Variants in LAMC2 observed in about 807,000 individuals in gnomAD.
The protein encoded by LAMC2 is laminin subunit gamma-2.
Under a neutral mutation model 140.2 loss-of-function variants are expected in LAMC2, and 97 were observed. The ratio of observed to expected loss-of-function variants is 0.69; its 90% CI spans 0.59 to 0.82. LAMC2 has a LOEUF of 0.82. LAMC2 is among the 40% of genes least tolerant of loss of function. The pLI, the probability that LAMC2 is intolerant of heterozygous loss-of-function variation, is 0.00. For synonymous variants in LAMC2, 513 were observed against 540.2 expected, an observed-to-expected ratio of 0.95 and a Z score of 0.70; for missense variants, 1,402 against 1,476.1, an observed-to-expected ratio of 0.95 and a Z score of 0.82.
chr1:183,254,225 T>C, the LAMC2 span, among the ~76,000 whole-genome samples: 5 of 152,322 alleles, frequency 3.3e-5, no homozygotes, highest in South Asian at 1.0e-3. Context: ...GGGTTCCCTT[T>C]CTCCACACCC....
rs113831260 is a variant in LAMC2, at chr1:183,230,334, C to T, written c.1715-627C>T. Among the ~76,000 whole-genome samples, 1,383 of 152,276 alleles carry T rather than the reference C, an allele frequency of 9.1e-3. 18 individuals carry two copies. The highest frequency in any genetic ancestry group is 0.027 in the African/African-American group (1,126 of 41,546). On this transcript the variant is annotated intron_variant, in intron 11 of 22. Transcript: ENST00000264144. ...ATAACACACTTAGATACGTAATCAG[C>T]GTTTTGTGAGCACTGAAGATAGAAC...
At chr1:183,240,617 G>T (rs944811244) in intron 22 of LAMC2, 3 of 1,421,660 alleles carry the variant, frequency 2.1e-6, no homozygotes, top group Non-Finnish European at 2.7e-6. Flanking sequence ...ATTGCACTTG[G>T]GGGTAAAGGT....
At chr1:183,198,389 C>T (rs1375708763) in intron 1 of LAMC2, among the ~76,000 whole-genome samples, 1 of 152,060 alleles carries the variant, frequency 6.6e-6, no homozygotes, top group Non-Finnish European at 1.5e-5. Flanking sequence ...ATGATCTGCC[C>T]GCCTTGGCCT....
At chr1:183,234,193 T>TA (rs1659881856) in intron 14 of LAMC2, among the ~76,000 whole-genome samples, 174 bp from the exon 15 acceptor site, 1 of 152,212 alleles carries the variant, frequency 6.6e-6, no homozygotes, top group Admixed American at 6.5e-5. Flanking sequence ...GGCCTATACA[T>TA]ACTTTTTAAA....
intron 7 of LAMC2, among the ~76,000 whole-genome samples, chr1:183,224,506 A>G (rs1461090526): frequency 6.6e-6 from 1 of 152,174 alleles, no homozygotes; most frequent in Non-Finnish European, 1.5e-5. Context: ...TATAGATGAT[A>G]GTTTGGGTCG....
chr1:183,242,071 T>C (rs1660147720), intron 22 of LAMC2, among the ~76,000 whole-genome samples: 1 of 152,222 alleles, frequency 6.6e-6, no homozygotes, highest in African/African-American at 2.4e-5. Flanking sequence ...AGGTTAATAA[T>C]GCCCCACAGG....
chr1:183,248,949 A>G (rs201892820), downstream of LAMC2: 1 of 149,596 alleles, frequency 6.7e-6, no homozygotes, highest in African/African-American at 2.5e-5. Context: ...TGAGGAGAGT[A>G]GAATTGGGCT....
chr1:183,226,065 T>G (rs1659615714), intron 8 of LAMC2, among the ~76,000 whole-genome samples: 1 of 152,032 alleles, frequency 6.6e-6, no homozygotes, highest in Non-Finnish European at 1.5e-5. Context: ...TCTTATTTAT[T>G]CCTTGAGCAG....
intron 1 of LAMC2, among the ~76,000 whole-genome samples, chr1:183,197,667 C>A (rs1658563567): frequency 1.5e-5 from 2 of 137,756 alleles, no homozygotes; most frequent in Admixed American, 7.4e-5. Context: ...CAGAGCGAGA[C>A]TCCGTCTCAA....
At chr1:183,191,492 T>TA (rs1317676823) in intron 1 of LAMC2, among the ~76,000 whole-genome samples, 15 of 139,612 alleles carry the variant, frequency 1.1e-4, no homozygotes, top group African/African-American at 4.1e-4. Flanking sequence ...GGTTCAAACT[T>TA]ACTGACTTTT....
chr1:183,240,108 G>A lies in LAMC2; in HGVS notation c.3138G>A (p.Leu1046=). Residue 1046 remains leucine, a synonymous_variant, in exon 21 of 23, where the codon CTG becomes CTA. Transcript: ENST00000264144. The stretch of plus-strand genomic sequence containing the variant: ...GAGCCTTGGCCATGGAAAAGGGACT[G>A]GCCTCTCTGAAGAGTGAGATGAGGG... ...ADGALAMEKG[L]ASLKSEMREV... 1 of 1,614,156 alleles carries A rather than the reference G, an allele frequency of 6.2e-7. No individual in the cohort carries two copies. The highest frequency in any genetic ancestry group is 8.5e-7 in the Non-Finnish European group (1 of 1,180,010).
intron 1 of LAMC2, 102 bp downstream of exon 1, chr1:183,186,533 G>A: frequency 7.4e-7 from 1 of 1,355,232 alleles, no homozygotes; most frequent in Non-Finnish European, 1.0e-6. Context: ...TTCCCACTTT[G>A]TCCAGAAACT....
chr1:183,257,435 T>A, the LAMC2 span, among the ~76,000 whole-genome samples: 16 of 152,136 alleles, frequency 1.1e-4, no homozygotes, highest in Non-Finnish European at 2.1e-4. Flanking sequence ...AGTGAGACTC[T>A]GTCTAAAAAA....
At chr1:183,215,724 A>G (rs1659233118) in intron 3 of LAMC2, 136 bp downstream of exon 3, 1 of 1,036,890 alleles carries the variant, frequency 9.6e-7, no homozygotes, top group Non-Finnish European at 1.5e-6. Context: ...TGGGCTATCT[A>G]CTTTAATCCT....
chr1:183,247,238 G>A (rs1379349372), downstream of LAMC2, among the ~76,000 whole-genome samples: 3 of 152,132 alleles, frequency 2.0e-5, no homozygotes, highest in Non-Finnish European at 4.4e-5. Context: ...CTTGAACCCC[G>A]GAGGCTGATG....
At position 183,222,152 on chromosome 1, in the gene LAMC2, G is replaced by A. The variant is rs374756027; in HGVS notation, c.704G>A (p.Arg235His). ...CCTGCAAAGCTCCAATGGTCACAGCGCCATCAAGATGTGTTTAGCTCAGCC... is the reference window on the plus strand; with the variant it reads ...CCTGCAAAGCTCCAATGGTCACAGCACCATCAAGATGTGTTTAGCTCAGCC... ...GSPAKLQWSQ[R>H]HQDVFSSAQR... The change falls in exon 6 of 23, where the codon CGC becomes CAC. Residue 235 changes from arginine (R) to histidine (H), a missense_variant. This residue lies in a region of LAMC2 where 723 missense variants were observed against 783.3 expected (regional missense o/e 0.92). Coordinates refer to ENST00000264144, the MANE Select transcript of LAMC2 (RefSeq NM_005562.3). 4.2e-5 allele frequency: 67 copies of A among 1,613,934 alleles called. No homozygotes were observed. In the East Asian group the frequency reaches 8.7e-4, roughly 21 times the overall value.
chr1:183,207,823 A>T (rs975368966), intron 1 of LAMC2, 58 bp from the exon 2 acceptor site: 4 of 1,332,636 alleles, frequency 3.0e-6, no homozygotes, highest in Admixed American at 1.7e-5. Context: ...CTGCTAGAAC[A>T]GTTCCTGAGG....
At chr1:183,240,739 G>GA in intron 22 of LAMC2, 1 of 1,149,988 alleles carries the variant, frequency 8.7e-7, no homozygotes. Flanking sequence ...ACAGTTTTAA[G>GA]CAGAGGAATA....
In LAMC2 at chr1:183,200,256, G is replaced by C. The variant is rs150845807; in HGVS notation, c.80-7625G>C. 6.2e-3 allele frequency among the ~76,000 whole-genome samples: 942 copies of C among 152,268 alleles called. 9 individuals are homozygous for C. The highest frequency in any genetic ancestry group is 0.01 in the Middle Eastern group (3 of 294). On this transcript the variant is annotated intron_variant, in intron 1 of 22. Coordinates refer to ENST00000264144, the MANE Select transcript of LAMC2 (RefSeq NM_005562.3). ...ACATACAAAATCAGCCGGGCATGGT[G>C]GTGGGTGCCTGTAATCCCAGCTACT...
Sources: allele counts gnomAD v4.1 joint callset (sites outside exome capture counted in the v4.1 genomes callset), GRCh38; gene constraint gnomAD v4.1.1; regional missense constraint gnomAD v4.1.1; transcripts MANE v1.5; gene names NCBI Gene and HGNC (gene_info 2026-07-23, HGNC 2026-07-21).